C21orf58: variants seen among roughly 807,000 people sequenced by gnomAD.
C21orf58 encodes the protein uncharacterized protein C21orf58.
A neutral mutation model predicts 35.8 loss-of-function variants in C21orf58; 34 were observed. The observed-to-expected ratio is 0.95, with a 90% CI of 0.72 to 1.26. The LOEUF is 1.26. Among genes scored for constraint, C21orf58 ranks in the 50% most tolerant of loss-of-function variants. The probability of loss-of-function intolerance (pLI) is 0.00; values close to 1 mark genes in which losing one functional copy is unlikely to be tolerated. For missense variants in C21orf58, 440 were observed against 414.3 expected, an observed-to-expected ratio of 1.06 and a Z score of -0.54; for synonymous variants, 191 against 175.8, an observed-to-expected ratio of 1.09 and a Z score of -0.68.
intron 6 of C21orf58, among the ~76,000 whole-genome samples, chr21:46,306,511 CT>C (rs1449994651): frequency 6.7e-6 from 1 of 149,746 alleles, no homozygotes; most frequent in Non-Finnish European, 1.5e-5. Flanking sequence ...AAAAAAAAAT[CT>C]TTTATGAATT....
chr21:46,314,969 G>A, intron 4 of C21orf58, 89 bp from the exon 5 acceptor site: 1 of 1,550,286 alleles, frequency 6.5e-7, no homozygotes, highest in Non-Finnish European at 8.7e-7. Context: ...AGGCCAGCCT[G>A]GGCCAGGTAC....
intron 1 of C21orf58, among the ~76,000 whole-genome samples, chr21:46,320,036 A>G (rs2083102891): frequency 6.6e-6 from 1 of 152,220 alleles, no homozygotes; most frequent in African/African-American, 2.4e-5. Context: ...AACCAGGTTA[A>G]TTTAGTTAAG....
rs1303717904 is a variant in C21orf58, at chr21:46,319,924, AT to A, written c.101-1705del. 5.9e-5 allele frequency among the ~76,000 whole-genome samples: 9 copies of A among 152,160 alleles called. No individual in the cohort carries two copies. The South Asian group carries it at 1.7e-3, about 28-fold the overall frequency. Reference sequence around the variant, plus strand: ...GAAAAAAAATAAAAAAAATAAAAAAATAAATAAACAAGATAATAAAAGAACC... The same window carrying A: ...GAAAAAAAATAAAAAAAATAAAAAAAAAATAAACAAGATAATAAAAGAACC... On this transcript the variant is annotated intron_variant, in intron 1 of 7. Coordinates refer to ENST00000291691, the MANE Select transcript of C21orf58 (RefSeq NM_058180.5).
chr21:46,305,821 A>T (rs181912288), intron 6 of C21orf58, among the ~76,000 whole-genome samples: 1 of 152,206 alleles, frequency 6.6e-6, no homozygotes, highest in Non-Finnish European at 1.5e-5. Context: ...GGGCACATGT[A>T]GACCCAGCTA....
intron 6 of C21orf58, among the ~76,000 whole-genome samples, chr21:46,303,945 G>A (rs1464579202): frequency 7.0e-6 from 1 of 143,728 alleles, no homozygotes; most frequent in Non-Finnish European, 1.5e-5. Context: ...TAGAGATGGG[G>A]TTTCACCGTG....
intron 1 of C21orf58, chr21:46,318,423 G>A: frequency 1.4e-6 from 2 of 1,427,474 alleles, no homozygotes; most frequent in Admixed American, 5.7e-5. Context: ...TTCATGGGAA[G>A]GCAAAAAAGT....
intron 6 of C21orf58, among the ~76,000 whole-genome samples, chr21:46,307,184 CT>C (rs1361096458): frequency 6.6e-6 from 1 of 151,906 alleles, no homozygotes; most frequent in Non-Finnish European, 1.5e-5. Flanking sequence ...GTGTGAGCCG[CT>C]GCGCCCAGCC....
intron 5 of C21orf58, among the ~76,000 whole-genome samples, chr21:46,312,220 T>C (rs924524043): frequency 2.6e-5 from 4 of 152,212 alleles, no homozygotes; most frequent in Admixed American, 2.0e-4. Context: ...TAGGATGTAG[T>C]ATTTTTAATG....
At chr21:46,316,920 G>A (rs1044377673) in intron 3 of C21orf58, among the ~76,000 whole-genome samples, 5 of 152,320 alleles carry the variant, frequency 3.3e-5, no homozygotes, top group African/African-American at 9.6e-5. Flanking sequence ...TCTGATCTGG[G>A]TGCGACCACT....
intron 5 of C21orf58, among the ~76,000 whole-genome samples, chr21:46,313,602 T>TG (rs34323000): frequency 1.3e-5 from 2 of 152,186 alleles, no homozygotes; most frequent in East Asian, 1.9e-4. Context: ...ATGAGGAAGA[T>TG]GGGGGGTCCA....
intron 6 of C21orf58, among the ~76,000 whole-genome samples, chr21:46,306,409 G>C (rs560450249): frequency 1.3e-5 from 2 of 152,142 alleles, no homozygotes; most frequent in African/African-American, 4.8e-5. Context: ...TGAGGTAGGA[G>C]AATCGCTTCA....
In C21orf58 at chr21:46,318,803, G is replaced by A. The variant is rs183891770; in HGVS notation, c.101-583C>T. 1.9e-4 allele frequency: 186 copies of A among 986,806 alleles called. 2 individuals carry two copies. The African/African-American group carries it at 3.0e-3, about 16-fold the overall frequency. 61.1% of individuals were successfully genotyped at this position (986,806 alleles called of 1,614,324 possible). On this transcript the variant is annotated intron_variant, in intron 1 of 7. Transcript: ENST00000291691. Reference sequence around the variant, plus strand: ...GTCCCACCTTGGGGCTGGGGGCACTGGGCAGGGAGTCAAGTTTGCAGGAAG... The same window carrying A: ...GTCCCACCTTGGGGCTGGGGGCACTAGGCAGGGAGTCAAGTTTGCAGGAAG...
Position 46,302,075 on chromosome 21 carries a change from T to TGGC in C21orf58, c.892_893insGCC (p.His297_His298insArg), listed in dbSNP as rs1236916545. The stretch of plus-strand genomic sequence containing the variant: ...AGCCCCAGGTGGCCACACAGCATGG[T>TGGC]GGTGGTGGTGGTGGTGGTGCACGGC... On this transcript the variant is annotated inframe_insertion, in exon 8 of 8. Coordinates refer to ENST00000291691, the MANE Select transcript of C21orf58 (RefSeq NM_058180.5). 26 of 1,515,716 alleles carry TGGC rather than the reference T, an allele frequency of 1.7e-5. No individual in the cohort carries two copies. In the East Asian group the frequency reaches 6.6e-4, roughly 38 times the overall value. The allele number at this position is 1,515,716 out of a possible 1,614,324, so 93.9% of individuals were successfully genotyped here.
chr21:46,317,162 A>G (rs1241545436), intron 3 of C21orf58, 46 bp downstream of exon 3: 3 of 1,585,562 alleles, frequency 1.9e-6, no homozygotes, highest in South Asian at 2.3e-5. Context: ...GAGTGGCTAC[A>G]CTTGCGTCTG....
intron 6 of C21orf58, among the ~76,000 whole-genome samples, chr21:46,303,733 ATATATATATATAT>A (rs1214238302): frequency 3.1e-5 from 1 of 32,230 alleles, no homozygotes; most frequent in African/African-American, 1.4e-4. Context: ...ATATATATAT[ATATATATATATAT>A]TTTTTTTTTT....
At chr21:46,318,882 A>G (rs2083069818) in intron 1 of C21orf58, 1 of 984,056 alleles carries the variant, frequency 1.0e-6, no homozygotes. Context: ...GTTGGGCATT[A>G]AACTCCACGT....
At chr21:46,305,393 G>A (rs2082369409) in intron 6 of C21orf58, among the ~76,000 whole-genome samples, 1 of 141,854 alleles carries the variant, frequency 7.0e-6, no homozygotes, top group African/African-American at 2.7e-5. Flanking sequence ...GCCTTGGTGT[G>A]AACACAGCTC....
intron 6 of C21orf58, among the ~76,000 whole-genome samples, chr21:46,311,109 T>A (rs1176310441): frequency 6.6e-6 from 1 of 151,902 alleles, no homozygotes; most frequent in African/African-American, 2.4e-5. Context: ...TGACCTCAGG[T>A]AATCCACCCG....
intron 6 of C21orf58, among the ~76,000 whole-genome samples, chr21:46,309,953 C>T (rs374164385): frequency 2.6e-5 from 4 of 151,976 alleles, no homozygotes; most frequent in East Asian, 3.9e-4. Flanking sequence ...GCCGAGATCA[C>T]GCCACTGCAC....
Sources: gnomAD v4.1 joint callset for allele counts (sites outside exome capture counted in the v4.1 genomes callset) on GRCh38, gnomAD v4.1.1 for gene constraint, MANE v1.5 for transcripts, NCBI Gene and HGNC (gene_info 2026-07-23, HGNC 2026-07-21) for gene names.